The following CLK4 variants were observed in gnomAD, a reference collection of about 807,000 sequenced individuals.
CLK4 encodes the protein dual specificity protein kinase CLK4.
CLK4 carries 37 observed loss-of-function variants against 64.4 expected under a neutral mutation model. That is an observed-to-expected ratio of 0.57 (90% CI 0.44 to 0.76). CLK4 has a LOEUF of 0.76. Ranked by LOEUF, CLK4 falls within the 30% of genes least tolerant of loss-of-function variation. The probability of loss-of-function intolerance (pLI) is 0.00; values close to 1 mark genes in which losing one functional copy is unlikely to be tolerated. For synonymous variants in CLK4, 175 were observed against 191.6 expected, an observed-to-expected ratio of 0.91 and a Z score of 0.72; for missense variants, 457 against 605.1, an observed-to-expected ratio of 0.76 and a Z score of 2.57.
intron 2 of CLK4, among the ~76,000 whole-genome samples, chr5:178,621,037 C>A (rs1764700407): frequency 6.6e-6 from 1 of 152,134 alleles, no homozygotes; most frequent in Non-Finnish European, 1.5e-5. Context: ...AGGAAAAAGA[C>A]AATCCCAGCA....
intron 9 of CLK4, among the ~76,000 whole-genome samples, chr5:178,611,980 T>C (rs1204657900): frequency 1.4e-5 from 2 of 140,828 alleles, no homozygotes; most frequent in Admixed American, 1.4e-4. Context: ...ACATCAAGGG[T>C]TATCACAGGA....
chr5:178,603,685 G>C lies in CLK4; in HGVS notation c.1378C>G (p.Pro460Ala), dbSNP rs1369993178. The change falls in exon 13 of 13, where the codon CCA (proline) becomes GCA (alanine). Residue 460 changes from proline (P) to alanine (A), a missense_variant. Coordinates refer to ENST00000316308, the MANE Select transcript of CLK4 (RefSeq NM_020666.3). ...TCATCCAAGGTAATTCTTTGAGTTG[G>C]ATCATATTCTAACATTCTTCGAACC... ...DLVRRMLEYD[P>A]TQRITLDEAL... is the part of the protein sequence containing the mutation. 7.5e-6 allele frequency: 12 copies of C among 1,605,188 alleles called. No homozygotes were observed. Among genetic ancestry groups the C allele is most frequent in the Non-Finnish European group, 1.0e-5 (12 of 1,177,078 alleles).
At chr5:178,624,154 C>T (rs1336167193) in intron 1 of CLK4, among the ~76,000 whole-genome samples, 2 of 152,116 alleles carry the variant, frequency 1.3e-5, no homozygotes, top group Non-Finnish European at 2.9e-5. Flanking sequence ...GTGGATAGAA[C>T]ACAATATTCA....
At chr5:178,624,842 A>G (rs978248161) in intron 1 of CLK4, among the ~76,000 whole-genome samples, 8 of 152,200 alleles carry the variant, frequency 5.3e-5, no homozygotes, top group Non-Finnish European at 8.8e-5. Context: ...GGCAGCTTCA[A>G]TTCTTCTGGG....
In CLK4 at chr5:178,618,688, A is replaced by G. The variant is rs771974532; in HGVS notation, c.252T>C (p.Tyr84=). 2.0e-5 allele frequency: 33 copies of G among 1,613,884 alleles called. No homozygotes were observed. In the Admixed American group the frequency reaches 2.2e-4, roughly 11 times the overall value. ...TGTCTCTGTGATAATGTCTAGGAAC[A>G]TATCCTTCACAGTAGTCATTCCTGT... is the stretch of plus-strand genomic sequence containing the variant. The part of the protein sequence containing the change: ...DEYRNDYCEG[Y]VPRHYHRDIE... Residue 84 remains tyrosine, a synonymous_variant, in exon 3 of 13, where the codon TAT becomes TAC. Transcript: ENST00000316308.
chr5:178,620,805 A>G (rs1007022642), intron 2 of CLK4: 4 of 220,118 alleles, frequency 1.8e-5, no homozygotes, highest in Admixed American at 5.1e-5. Context: ...ACAACACATG[A>G]GTGCTTAGAG....
chr5:178,616,941 G>A lies in CLK4; in HGVS notation c.483C>T (p.Ile161=), dbSNP rs746384157. ...SGDVLRARYE[I]VDTLGEGAFG... ...AGGCTCCTTCACCCAAAGTGTCCAC[G>A]ATTTCATCTAGAGTGAGGAGGGAAA... is the stretch of plus-strand genomic sequence containing the variant. The change falls in exon 5 of 13, where the codon ATC becomes ATT. Residue 161 remains isoleucine (I), a synonymous_variant. Transcript: ENST00000316308. The A allele has an allele frequency of 4.7e-5, 76 of 1,612,150 alleles. No homozygotes were observed. The highest frequency in any genetic ancestry group is 6.1e-5 in the Non-Finnish European group (72 of 1,178,324).
chr5:178,624,493 G>A (rs1018631470), intron 1 of CLK4, among the ~76,000 whole-genome samples: 10 of 151,974 alleles, frequency 6.6e-5, no homozygotes, highest in Admixed American at 3.3e-4. Context: ...AAACGATAAC[G>A]GTGACAGCTG....
intron 1 of CLK4, among the ~76,000 whole-genome samples, chr5:178,625,081 C>A (rs560384544): frequency 6.6e-6 from 1 of 152,238 alleles, no homozygotes; most frequent in East Asian, 1.9e-4. Flanking sequence ...CGGTTTGATA[C>A]AAATGGAGTC....
intron 1 of CLK4, among the ~76,000 whole-genome samples, chr5:178,626,306 G>C (rs1389520132): frequency 6.6e-6 from 1 of 152,192 alleles, no homozygotes; most frequent in Non-Finnish European, 1.5e-5. Context: ...GGGATAATAA[G>C]ATGCAAAACC....
In CLK4 at chr5:178,618,659, T is replaced by G. The variant is rs779881327; in HGVS notation, c.281A>C (p.Glu94Ala). ...ACTGCAGTGGATTCGATACCCGCTT[T>G]CAATGTCTCTGTGATAATGTCTAGG... ...YVPRHYHRDI[E>A]SGYRIHCSKS... Residue 94 changes from glutamate (E) to alanine (A), a missense_variant, in exon 3 of 13, where the codon GAA becomes GCA. Glu to Ala is a moderately radical substitution (Grantham distance 107). Transcript: ENST00000316308. 8.1e-6 allele frequency: 13 copies of G among 1,613,988 alleles called. No homozygotes were observed. The highest frequency in any genetic ancestry group is 1.6e-4 in the Middle Eastern group (1 of 6,082).
chr5:178,617,300 A>C lies in CLK4; in HGVS notation c.475+44T>G. The C allele has an allele frequency of 1.4e-6, 2 of 1,467,596 alleles. No individual in the cohort carries two copies. The highest frequency in any genetic ancestry group is 9.6e-7 in the Non-Finnish European group (1 of 1,046,586). 90.9% of individuals were successfully genotyped at this position (1,467,596 alleles called of 1,614,324 possible). On this transcript the variant is annotated intron_variant, in intron 4 of 12. Coordinates refer to ENST00000316308, the MANE Select transcript of CLK4 (RefSeq NM_020666.3). This position sits in a 1 kb window ranked among gnomAD's most constrained non-coding sequence, Gnocchi z 5.2. Reference sequence around the variant, plus strand: ...CTGACAAACTATTCTTAAAAAGATTATTCTTTCTGCAAAGTTTAAAAAGTG... The same window carrying C: ...CTGACAAACTATTCTTAAAAAGATTCTTCTTTCTGCAAAGTTTAAAAAGTG...
chr5:178,622,770 TACG>T (rs1221174157), intron 2 of CLK4: 1 of 155,952 alleles, frequency 6.4e-6, no homozygotes, highest in Non-Finnish European at 1.4e-5. Flanking sequence ...ATATAACCTG[TACG>T]ACATGGTATA....
intron 11 of CLK4, 123 bp downstream of exon 11, chr5:178,605,180 A>G (rs113958963): frequency 2.4e-6 from 1 of 420,676 alleles, no homozygotes; most frequent in South Asian, 5.4e-5. Context: ...CCAGTACAGA[A>G]AAAAAAAAAA....
intron 9 of CLK4, 52 bp from the exon 10 acceptor site, chr5:178,608,510 A>G (rs1307346022): frequency 1.5e-6 from 2 of 1,374,790 alleles, no homozygotes; most frequent in African/African-American, 2.9e-5. Flanking sequence ...TTTAATTGAC[A>G]GTACATTAAA....
At position 178,608,950 on chromosome 5, in the gene CLK4, G is replaced by A. The variant is rs564399701; in HGVS notation, c.1052-492C>T. Among the ~76,000 whole-genome samples the A allele has an allele frequency of 1.3e-3, 202 of 152,146 alleles. 1 individual carries two copies. Among genetic ancestry groups the A allele is most frequent in the Non-Finnish European group, 2.2e-3 (151 of 68,036 alleles). On this transcript the variant is annotated intron_variant, in intron 9 of 12. Transcript: ENST00000316308. ...TTCTTCCGTTAAGAGAAATATTACC[G>A]TTTTGCACAAATTGTATAAAAGGTA...
chr5:178,617,703 C>A lies in CLK4; in HGVS notation c.385-269G>T. Reference sequence around the variant, plus strand: ...ATAGAAAAAAACAACACAATTGTCTCTTTAAAATACTGATTTAATTGAAGT... The same window carrying A: ...ATAGAAAAAAACAACACAATTGTCTATTTAAAATACTGATTTAATTGAAGT... On this transcript the variant is annotated intron_variant, in intron 3 of 12. Coordinates refer to ENST00000316308, the MANE Select transcript of CLK4 (RefSeq NM_020666.3). This position sits in a 1 kb window ranked among gnomAD's most constrained non-coding sequence, Gnocchi z 5.2. 1 of 249,462 alleles carries A rather than the reference C, an allele frequency of 4.0e-6. No individual in the cohort carries two copies. The highest frequency in any genetic ancestry group is 7.6e-6 in the Non-Finnish European group (1 of 131,162). The allele number at this position is 249,462 out of a possible 1,614,324, so 15.5% of individuals were successfully genotyped here. A position where few individuals can be genotyped will look rare whatever the true frequency, so the allele number is the denominator to read the frequency against.
At chr5:178,616,720 C>T (rs536458708) in intron 5 of CLK4, among the ~76,000 whole-genome samples, 162 bp downstream of exon 5, 5 of 152,204 alleles carry the variant, frequency 3.3e-5, no homozygotes, top group East Asian at 3.9e-4. Context: ...CACTTGAAGC[C>T]GGGAGGCGGC....
At chr5:178,607,507 CTTTTT>C (rs70997615) in intron 10 of CLK4, among the ~76,000 whole-genome samples, 2 of 78,076 alleles carry the variant, frequency 2.6e-5, no homozygotes, top group African/African-American at 5.1e-5. Flanking sequence ...TACACTTTGT[CTTTTT>C]TTTTTTTTTT....
Sources: allele counts gnomAD v4.1 joint callset (sites outside exome capture counted in the v4.1 genomes callset), GRCh38; gene constraint gnomAD v4.1.1; non-coding constraint Gnocchi (gnomAD v3.1); transcripts MANE v1.5; gene names NCBI Gene and HGNC (gene_info 2026-07-23, HGNC 2026-07-21).